The following CLVS1 variants were observed in gnomAD, a reference collection of about 807,000 sequenced individuals.
CLVS1 encodes the protein clavesin 1.
CLVS1 carries 10 observed loss-of-function variants against 33.1 expected under a neutral mutation model. The observed-to-expected ratio is 0.30, with a 90% confidence interval of 0.19 to 0.51. CLVS1 has a LOEUF of 0.51. Ranked by LOEUF, CLVS1 falls within the 20% of genes least tolerant of loss-of-function variation. CLVS1 has a pLI of 0.97. For synonymous variants in CLVS1, 163 were observed against 166.1 expected (o/e 0.98, Z 0.14); for missense variants, 343 against 433.4 (o/e 0.79, Z 1.85).
chr8:61,352,494 A>T (rs1376819437), intron 2 of CLVS1, among the ~76,000 whole-genome samples: 2 of 152,088 alleles, frequency 1.3e-5, no homozygotes, highest in Non-Finnish European at 2.9e-5. Context: ...CAGTGGATTA[A>T]GAAATCAAGC....
chr8:61,071,964 C>T (rs907857120), intron 1 of CLVS1, among the ~76,000 whole-genome samples: 1 of 152,188 alleles, frequency 6.6e-6, no homozygotes, highest in Non-Finnish European at 1.5e-5. Context: ...CTCATTCAGC[C>T]TGTTGAAAGA....
intron 2 of CLVS1, among the ~76,000 whole-genome samples, chr8:61,361,624 A>G (rs1812984828): frequency 6.6e-6 from 1 of 152,124 alleles, no homozygotes; most frequent in Non-Finnish European, 1.5e-5. Flanking sequence ...TCAGGGTCTT[A>G]TTTTAGAAGG....
chr8:61,327,733 A>G (rs1478976189), intron 2 of CLVS1, among the ~76,000 whole-genome samples: 2 of 152,200 alleles, frequency 1.3e-5, no homozygotes, highest in Admixed American at 1.3e-4. Flanking sequence ...GTGTCCTTGT[A>G]CCTGTGTCAG....
chr8:61,018,111 C>T, the CLVS1 span, among the ~76,000 whole-genome samples: 1 of 152,148 alleles, frequency 6.6e-6, no homozygotes, highest in Non-Finnish European at 1.5e-5. Context: ...GTCAATCTCA[C>T]ATCATTGGCA....
rs201979895 is a variant in CLVS1 at position 61,058,891 on chromosome 8, A to G, written c.-243+1661A>G. 3.9e-5 allele frequency among the ~76,000 whole-genome samples: 6 copies of G among 152,078 alleles called. No homozygotes were observed. The South Asian group carries it at 8.3e-4, about 21-fold the overall frequency. On this transcript the variant is annotated intron_variant, in intron 1 of 2. Transcript: ENST00000522621. Reference sequence around the variant, plus strand: ...TTTCAAAAGTTCATTCCTTTTAATGAATGAGTCATATTTTATTATATAGAT... The same window carrying G: ...TTTCAAAAGTTCATTCCTTTTAATGGATGAGTCATATTTTATTATATAGAT...
chr8:60,978,278 T>C, the CLVS1 span, among the ~76,000 whole-genome samples: 1 of 152,248 alleles, frequency 6.6e-6, no homozygotes, highest in South Asian at 2.1e-4. Flanking sequence ...GCTTTTGATA[T>C]GGTATGTATC....
intron 1 of CLVS1, among the ~76,000 whole-genome samples, chr8:61,090,594 C>A (rs1391950940): frequency 6.6e-6 from 1 of 152,062 alleles, no homozygotes; most frequent in Non-Finnish European, 1.5e-5. Context: ...CATTCCCAGG[C>A]CCTGAAATGC....
intron 3 of CLVS1, among the ~76,000 whole-genome samples, chr8:61,430,573 A>T (rs575748628): frequency 1.5e-4 from 23 of 152,246 alleles, no homozygotes; most frequent in African/African-American, 5.5e-4. Context: ...TCCCAACTCC[A>T]TGAGGCGCCT....
the CLVS1 span, among the ~76,000 whole-genome samples, chr8:60,992,114 C>T: frequency 2.0e-5 from 3 of 152,178 alleles, no homozygotes; most frequent in Non-Finnish European, 4.4e-5. Flanking sequence ...ATGCCATCCC[C>T]TGGGCCCAGT....
chr8:61,470,888 G>A (rs75056071), intron 5 of CLVS1, among the ~76,000 whole-genome samples: 1,597 of 152,256 alleles, frequency 0.01, 30 homozygotes, highest in African/African-American at 0.036. Flanking sequence ...GCGGAGCTTC[G>A]AGCATTTCAT....
chr8:61,289,807 C>T (rs190878236), intron 1 of CLVS1, among the ~76,000 whole-genome samples: 1 of 152,314 alleles, frequency 6.6e-6, no homozygotes, highest in Admixed American at 6.5e-5. Context: ...ACTTAAGTCT[C>T]TTTGAGAATG....
At chr8:61,247,223 G>A (rs1246124541) in intron 2 of CLVS1, among the ~76,000 whole-genome samples, 1 of 152,152 alleles carries the variant, frequency 6.6e-6, no homozygotes, top group Non-Finnish European at 1.5e-5. Context: ...TTGATTCCAT[G>A]TCTTTGATAT....
intron 3 of CLVS1, among the ~76,000 whole-genome samples, chr8:61,393,546 A>G (rs1814392353): frequency 6.6e-6 from 1 of 152,200 alleles, no homozygotes; most frequent in South Asian, 2.1e-4. Context: ...TTCAGTGGAA[A>G]GATCTGGAAC....
In CLVS1 at chr8:61,410,682, C is replaced by T. The variant is rs146914110; in HGVS notation, c.630+33903C>T. On this transcript the variant is annotated intron_variant, in intron 3 of 5. Coordinates refer to ENST00000325897, the MANE Select transcript of CLVS1 (RefSeq NM_173519.3). Reference sequence around the variant, plus strand: ...TTTGAGACAGAATCTTGCTCTGTCACCCCGGCTGGAGTGCAGTGGCATAAT... The same window carrying T: ...TTTGAGACAGAATCTTGCTCTGTCATCCCGGCTGGAGTGCAGTGGCATAAT... 3.1e-3 allele frequency among the ~76,000 whole-genome samples: 466 copies of T among 152,208 alleles called. 3 individuals are homozygous for T. The highest frequency in any genetic ancestry group is 0.011 in the African/African-American group (451 of 41,528).
intron 2 of CLVS1, among the ~76,000 whole-genome samples, chr8:61,251,063 ACT>A (rs1378580025): frequency 2.0e-5 from 3 of 151,712 alleles, no homozygotes; most frequent in African/African-American, 7.3e-5. Flanking sequence ...GTCATAAATA[ACT>A]CTTATTATTT....
intron 2 of CLVS1, among the ~76,000 whole-genome samples, chr8:61,217,853 A>G (rs1447607478): frequency 6.6e-6 from 1 of 152,240 alleles, no homozygotes; most frequent in Non-Finnish European, 1.5e-5. Context: ...ATATGAATCA[A>G]TGTTTCTCAA....
At chr8:61,459,605 A>G (rs75470803) in intron 5 of CLVS1, among the ~76,000 whole-genome samples, 2 of 151,528 alleles carry the variant, frequency 1.3e-5, no homozygotes, top group Non-Finnish European at 2.9e-5. Context: ...GTGAAACCTG[A>G]TTTTTTAAGA....
chr8:61,421,842 G>A (rs1255571922), intron 3 of CLVS1, among the ~76,000 whole-genome samples: 1 of 152,148 alleles, frequency 6.6e-6, no homozygotes, highest in Non-Finnish European at 1.5e-5. Context: ...CCTCTCTGTG[G>A]TCGTGCTAGG....
chr8:61,413,951 T>C (rs1196832925), intron 3 of CLVS1, among the ~76,000 whole-genome samples: 7 of 152,232 alleles, frequency 4.6e-5, no homozygotes, highest in Admixed American at 4.6e-4. Context: ...GTGATTGCTA[T>C]TCTGGGCACT....
Sources: gnomAD v4.1 joint callset for allele counts (sites outside exome capture counted in the v4.1 genomes callset) on GRCh38, gnomAD v4.1.1 for gene constraint, MANE v1.5 for transcripts, NCBI Gene and HGNC (gene_info 2026-07-23, HGNC 2026-07-21) for gene names.